FGD5: variants seen among roughly 807,000 people sequenced by gnomAD.
FGD5 encodes FYVE, RhoGEF and PH domain-containing protein 5.
In FGD5, 28 loss-of-function variants were observed where a neutral mutation model predicts 133.4. The ratio of observed to expected loss-of-function variants is 0.21; its 90% confidence interval spans 0.16 to 0.29. The LOEUF is 0.29. Ranked by LOEUF, FGD5 falls within the 10% of genes least tolerant of loss-of-function variation. FGD5 has a pLI of 1.00. For synonymous variants in FGD5, 810 were observed against 776.5 expected (o/e 1.04, Z -0.72); for missense variants, 1,858 against 1,895.2 (o/e 0.98, Z 0.36).
At chr3:14,827,795 C>T (rs1305475915) in intron 1 of FGD5, among the ~76,000 whole-genome samples, 1 of 152,102 alleles carries the variant, frequency 6.6e-6, no homozygotes, top group African/African-American at 2.4e-5. Flanking sequence ...ACCAGAAGTT[C>T]TCGGTTTGGA....
chr3:14,912,848 A>G (rs1420908983), intron 11 of FGD5, among the ~76,000 whole-genome samples: 1 of 152,120 alleles, frequency 6.6e-6, no homozygotes, highest in Non-Finnish European at 1.5e-5. Context: ...CAGCCTGGTG[A>G]ACATGGTGAA....
chr3:14,869,324 C>T (rs561347101), intron 2 of FGD5, among the ~76,000 whole-genome samples: 8 of 152,016 alleles, frequency 5.3e-5, no homozygotes, highest in Non-Finnish European at 1.2e-4. Flanking sequence ...AACAAACAAA[C>T]AAACAAACAA....
chr3:14,895,650 T>G (rs2038122151), intron 4 of FGD5, among the ~76,000 whole-genome samples: 1 of 152,152 alleles, frequency 6.6e-6, no homozygotes, highest in South Asian at 2.1e-4. Context: ...CAGAGTTTAC[T>G]GCAGGCTTGA....
At chr3:14,893,749 T>C (rs1452880726) in intron 4 of FGD5, among the ~76,000 whole-genome samples, 1 of 102,878 alleles carries the variant, frequency 9.7e-6, no homozygotes, top group East Asian at 2.6e-4. Flanking sequence ...TCTTTTCTTT[T>C]TTCTTTTTTT....
intron 9 of FGD5, among the ~76,000 whole-genome samples, chr3:14,906,240 T>C (rs945846178): frequency 6.6e-6 from 1 of 152,214 alleles, no homozygotes; most frequent in African/African-American, 2.4e-5. Context: ...GGCACATGCC[T>C]ACATCTGAAG....
intron 2 of FGD5, among the ~76,000 whole-genome samples, chr3:14,878,503 G>T (rs293923): frequency 0.14 from 21,885 of 152,028 alleles, 1,904 homozygotes; most frequent in East Asian, 0.39. Context: ...GATAATGATG[G>T]CCAATAATTC....
At chr3:14,898,897 G>A (rs1359007430) in intron 7 of FGD5, 71 bp downstream of exon 7, 11 of 1,374,054 alleles carry the variant, frequency 8.0e-6, no homozygotes, top group South Asian at 2.5e-5. Flanking sequence ...GGGGTGGAGG[G>A]GACTGTGGTG....
At chr3:14,816,511 G>A (rs140523104), upstream of FGD5, among the ~76,000 whole-genome samples, 184 of 152,268 alleles carry the variant, frequency 1.2e-3, no homozygotes, top group African/African-American at 3.8e-3. Flanking sequence ...TCCATTGAGG[G>A]TAGGTGCTGT....
rs1010038364 is a variant in FGD5, at chr3:14,928,194, C to T, written c.4197+1996C>T. Among the ~76,000 whole-genome samples the T allele has an allele frequency of 4.6e-5, 7 of 151,854 alleles. 1 individual carries two copies. Among genetic ancestry groups the T allele is most frequent in the Admixed American group, 3.9e-4 (6 of 15,222 alleles). On this transcript the variant is annotated intron_variant, in intron 18 of 19. Coordinates refer to ENST00000285046, the MANE Select transcript of FGD5 (RefSeq NM_152536.4). ...TGACCTCATGATCCACCCACCTTGGCTTCCAAAGTGCTGGGATTACAGGCG... is the reference window on the plus strand; with the variant it reads ...TGACCTCATGATCCACCCACCTTGGTTTCCAAAGTGCTGGGATTACAGGCG...
rs1442542386 is a variant in FGD5, at chr3:14,933,353, A to AG, written c.*189dup. 9.2e-6 allele frequency: 6 copies of AG among 652,034 alleles called. No individual in the cohort carries two copies. The African/African-American group carries it at 1.1e-4, about 12-fold the overall frequency. 40.4% of individuals were successfully genotyped at this position (652,034 alleles called of 1,614,324 possible). Reference sequence around the variant, plus strand: ...AACATCTTCATGAATGGAATCCTTAAGGGATATTTATGGACCTCTCCTTTT... The same window carrying AG: ...AACATCTTCATGAATGGAATCCTTAAGGGGATATTTATGGACCTCTCCTTTT... On this transcript the variant is annotated 3_prime_UTR_variant, in exon 20 of 20. Coordinates refer to ENST00000285046, the MANE Select transcript of FGD5 (RefSeq NM_152536.4).
intron 1 of FGD5, among the ~76,000 whole-genome samples, chr3:14,839,721 A>G (rs1056165280): frequency 7.2e-5 from 11 of 152,180 alleles, no homozygotes; most frequent in Non-Finnish European, 4.4e-5. Flanking sequence ...TCACGAGGTC[A>G]GGAGATCGAG....
intron 1 of FGD5, 102 bp downstream of exon 1, chr3:14,821,698 T>C: frequency 7.0e-7 from 1 of 1,418,482 alleles, no homozygotes; most frequent in Non-Finnish European, 9.2e-7. Flanking sequence ...CCTCAGGCTC[T>C]GTTTCTTACT....
chr3:14,874,152 G>C (rs375781884), intron 2 of FGD5, among the ~76,000 whole-genome samples: 1 of 152,220 alleles, frequency 6.6e-6, no homozygotes, highest in African/African-American at 2.4e-5. Context: ...AATGAACTTG[G>C]AGGGCTTGAT....
intron 1 of FGD5, among the ~76,000 whole-genome samples, chr3:14,822,951 C>T (rs2036531700): frequency 6.6e-6 from 1 of 152,168 alleles, no homozygotes; most frequent in Non-Finnish European, 1.5e-5. Flanking sequence ...TTGCATGGTT[C>T]GCCATCCTGG....
At chr3:14,870,789 A>T (rs2037591639) in intron 2 of FGD5, among the ~76,000 whole-genome samples, 1 of 152,032 alleles carries the variant, frequency 6.6e-6, no homozygotes. Flanking sequence ...TTCAAACTCA[A>T]CACATCCCAT....
chr3:14,910,863 GT>G lies in FGD5; in HGVS notation c.3342del (p.Leu1115Ter). ...QGDLLQPGRE[F>X]LKEGTLMKVT... ...AAGTTCTGCTTCTCTCCCCACAGGAGTTTCTGAAGGAAGGGACGCTGATGAA... is the reference window on the plus strand; with the variant it reads ...AAGTTCTGCTTCTCTCCCCACAGGAGTTCTGAAGGAAGGGACGCTGATGAA... On this transcript the variant is annotated frameshift_variant, in exon 11 of 20. Coordinates refer to ENST00000285046, the MANE Select transcript of FGD5 (RefSeq NM_152536.4). LOFTEE classifies it high-confidence loss of function. 1 of 1,613,156 alleles carries G rather than the reference GT, an allele frequency of 6.2e-7. No individual in the cohort carries two copies. Among genetic ancestry groups the G allele is most frequent in the Non-Finnish European group, 8.5e-7 (1 of 1,179,560 alleles).
In FGD5 at chr3:14,932,765, T is replaced by A. The variant is rs761385979; in HGVS notation, c.4352+34T>A. ...AGAACTAATTAGTCTTATAGCTTTTTGTTCTCTCAGAAGGCAACAAGTTGT... is the reference window on the plus strand; with the variant it reads ...AGAACTAATTAGTCTTATAGCTTTTAGTTCTCTCAGAAGGCAACAAGTTGT... On this transcript the variant is annotated intron_variant, in intron 19 of 19. Transcript: ENST00000285046. 1.9e-6 allele frequency: 3 copies of A among 1,598,590 alleles called. No homozygotes were observed. In the East Asian group the frequency reaches 6.7e-5, roughly 36 times the overall value.
At chr3:14,924,397 T>C (rs749918860) in intron 17 of FGD5, among the ~76,000 whole-genome samples, 99 of 152,182 alleles carry the variant, frequency 6.5e-4, no homozygotes, top group Non-Finnish European at 1.1e-3. Flanking sequence ...ATAGCTTAGA[T>C]CTAGTACCCA....
intron 1 of FGD5, among the ~76,000 whole-genome samples, chr3:14,863,890 CT>C (rs925611943): frequency 1.9e-4 from 29 of 152,310 alleles, no homozygotes; most frequent in Admixed American, 3.3e-4. Context: ...AGCCTGCCCC[CT>C]GTCTGCAGGG....
Sources: allele counts gnomAD v4.1 joint callset (sites outside exome capture counted in the v4.1 genomes callset), GRCh38; gene constraint gnomAD v4.1.1; transcripts MANE v1.5; gene names NCBI Gene and HGNC (gene_info 2026-07-23, HGNC 2026-07-21).